TTC22: variants seen among roughly 807,000 people sequenced by gnomAD.
TTC22 encodes the protein tetratricopeptide repeat protein 22.
In TTC22, 42 loss-of-function variants were observed where a neutral mutation model predicts 48.2. The ratio of observed to expected loss-of-function variants is 0.87; its 90% confidence interval spans 0.68 to 1.13. The LOEUF is 1.13. Among genes scored for constraint, TTC22 ranks in the 50% most tolerant of loss-of-function variants. The pLI is 0.00. For missense variants in TTC22, 784 were observed against 807.0 expected (o/e 0.97, Z 0.34); for synonymous variants, 345 against 365.5 (o/e 0.94, Z 0.64).
chr1:54,779,760 G>A lies in TTC22; in HGVS notation c.*1483C>T, dbSNP rs1055077008. On this transcript the variant is annotated 3_prime_UTR_variant, in exon 7 of 7. Coordinates refer to ENST00000371276, the MANE Select transcript of TTC22 (RefSeq NM_001114108.2). ...TATTTTTCCAAACCTGAAGAATGGT[G>A]AAAGTTTGTGGTACAGTGTGGGGAA... The A allele has an allele frequency of 2.0e-5, 3 of 152,184 alleles. No homozygotes were observed. The highest frequency in any genetic ancestry group is 7.2e-5 in the African/African-American group (3 of 41,436). 9.4% of individuals were successfully genotyped at this position (152,184 alleles called of 1,614,324 possible).
rs1442325094 is a variant in TTC22 at position 54,782,345 on chromosome 1, C to T, written c.1153G>A (p.Ala385Thr). The change falls in exon 6 of 7, where the codon GCG becomes ACG. Residue 385 changes from alanine to threonine, a missense_variant. Coordinates refer to ENST00000371276, the MANE Select transcript of TTC22 (RefSeq NM_001114108.2). Reference protein sequence around the residue: ...EVVRVCPGFKAYLDIGQVYYY... With the variant: ...EVVRVCPGFKTYLDIGQVYYY... ...CTTACCTGGCCGATGTCCAGGTACGCCTTGAAGCCTGGGCACACCCTGACC... is the reference window on the plus strand; with the variant it reads ...CTTACCTGGCCGATGTCCAGGTACGTCTTGAAGCCTGGGCACACCCTGACC... 6.5e-7 allele frequency: 1 copy of T among 1,546,268 alleles called. No individual in the cohort carries two copies. The highest frequency in any genetic ancestry group is 2.0e-5 in the Admixed American group (1 of 50,002).
intron 1 of TTC22, among the ~76,000 whole-genome samples, chr1:54,795,953 A>C (rs12066278): frequency 0.017 from 2,630 of 152,340 alleles, 68 homozygotes; most frequent in African/African-American, 0.06. Flanking sequence ...CCTGTCAGCC[A>C]CACGTGCCCT....
chr1:54,798,038 T>C (rs755133803), intron 1 of TTC22, among the ~76,000 whole-genome samples: 10 of 152,198 alleles, frequency 6.6e-5, no homozygotes, highest in Non-Finnish European at 8.8e-5. Context: ...CATACTCCTC[T>C]GCCTTAGATT....
In TTC22 at chr1:54,780,964, T is replaced by G; in HGVS notation, c.*279A>C. 1 of 328,562 alleles carries G rather than the reference T, an allele frequency of 3.0e-6. No individual in the cohort carries two copies. The highest frequency in any genetic ancestry group is 5.5e-6 in the Non-Finnish European group (1 of 180,972). The allele number at this position is 328,562 out of a possible 1,614,324, so 20.4% of individuals were successfully genotyped here. On this transcript the variant is annotated 3_prime_UTR_variant, in exon 7 of 7. Coordinates refer to ENST00000371276, the MANE Select transcript of TTC22 (RefSeq NM_001114108.2). ...CCTCACAACCATCTTATTTTACCTG[T>G]ATGTCTAGAAAATTCTGTCCCTTAA... is the stretch of plus-strand genomic sequence containing the variant.
chr1:54,798,297 T>G (rs554745366), intron 1 of TTC22, among the ~76,000 whole-genome samples: 1 of 152,340 alleles, frequency 6.6e-6, no homozygotes, highest in South Asian at 2.1e-4. Flanking sequence ...ATGCTCCTGC[T>G]GGGTGTGTCC....
rs761933944 is a variant in TTC22 at position 54,787,052 on chromosome 1, TC to T, written c.762del (p.Met255CysfsTer27). 2.7e-5 allele frequency: 41 copies of T among 1,538,004 alleles called. No individual in the cohort carries two copies. The highest frequency in any genetic ancestry group is 3.4e-5 in the Non-Finnish European group (39 of 1,141,054). ...RHRALAWCYLGMLLERKDTFS... is the reference protein window; with the variant it reads ...RHRALAWCYLXMLLERKDTFS... ...AAGGTGTCCTTCCGCTCCAGCAGCA[TC>T]CCGAGGTAGCACCAGGCCAGGGCTG... is the stretch of plus-strand genomic sequence containing the variant. On this transcript the variant is annotated frameshift_variant, in exon 4 of 7. Coordinates refer to ENST00000371276, the MANE Select transcript of TTC22 (RefSeq NM_001114108.2). LOFTEE classifies it high-confidence loss of function.
In TTC22 at chr1:54,782,333, T is replaced by C; in HGVS notation, c.1165A>G (p.Ile389Val). Residue 389 changes from isoleucine to valine, a missense_variant, in exon 6 of 7, where the codon ATC (isoleucine) becomes GTC (valine). Coordinates refer to ENST00000371276, the MANE Select transcript of TTC22 (RefSeq NM_001114108.2). ...VCPGFKAYLD[I>V]GQVYYYMGVD... ...CCAAGAGACTGCCTTACCTGGCCGA[T>C]GTCCAGGTACGCCTTGAAGCCTGGG... 9 of 1,540,064 alleles carry C rather than the reference T, an allele frequency of 5.8e-6. No individual in the cohort carries two copies. Among genetic ancestry groups the C allele is most frequent in the Non-Finnish European group, 7.9e-6 (9 of 1,140,750 alleles).
At chr1:54,798,011 C>T (rs1646405760) in intron 1 of TTC22, among the ~76,000 whole-genome samples, 1 of 152,172 alleles carries the variant, frequency 6.6e-6, no homozygotes, top group Non-Finnish European at 1.5e-5. Flanking sequence ...TGGAAACCCA[C>T]CCACCTCCTC....
At chr1:54,788,003 C>T (rs1646319370) in intron 2 of TTC22, 39 bp downstream of exon 2, 2 of 1,602,114 alleles carry the variant, frequency 1.2e-6, no homozygotes, top group Admixed American at 3.3e-5. Context: ...CACACCTCTC[C>T]CTCTTCCATC....
intron 1 of TTC22, among the ~76,000 whole-genome samples, chr1:54,791,197 G>C (rs984661336): frequency 5.3e-5 from 8 of 152,162 alleles, no homozygotes; most frequent in Admixed American, 2.0e-4. Context: ...CATGACCTCT[G>C]GTCCCTCACC....
At chr1:54,790,912 G>A (rs926429409) in intron 1 of TTC22, among the ~76,000 whole-genome samples, 2 of 151,850 alleles carry the variant, frequency 1.3e-5, no homozygotes, top group Middle Eastern at 3.4e-3. Context: ...ACCTAGGCTG[G>A]AGTGCAGTGA....
At chr1:54,792,496 G>A (rs534244111) in intron 1 of TTC22, among the ~76,000 whole-genome samples, 2 of 151,838 alleles carry the variant, frequency 1.3e-5, no homozygotes, top group South Asian at 2.1e-4. Flanking sequence ...GTGCAATGGC[G>A]CGATCTTGGC....
chr1:54,797,877 C>T (rs2101473834), intron 1 of TTC22, among the ~76,000 whole-genome samples: 1 of 152,248 alleles, frequency 6.6e-6, no homozygotes, highest in East Asian at 1.9e-4. Flanking sequence ...TCTTCCCCAC[C>T]TGGGAGGGTC....
At chr1:54,800,483 A>C (rs569017487) in intron 1 of TTC22, 114 bp downstream of exon 1, 53 of 1,008,546 alleles carry the variant, frequency 5.3e-5, no homozygotes, top group Non-Finnish European at 6.8e-5. Context: ...TTGGGAGGCC[A>C]AAAGACCATG....
chr1:54,790,834 T>G (rs1245639904), intron 1 of TTC22, among the ~76,000 whole-genome samples: 1 of 151,794 alleles, frequency 6.6e-6, no homozygotes, highest in Non-Finnish European at 1.5e-5. Flanking sequence ...TTCTTCCTTC[T>G]TCTTCTCCGT....
chr1:54,781,738 C>G lies in TTC22; in HGVS notation c.1215G>C (p.Leu405=). 6.6e-7 allele frequency: 1 copy of G among 1,510,856 alleles called. No homozygotes were observed. Among genetic ancestry groups the G allele is most frequent in the Non-Finnish European group, 8.8e-7 (1 of 1,134,254 alleles). 93.6% of individuals were successfully genotyped at this position (1,510,856 alleles called of 1,614,324 possible). Residue 405 remains leucine (L), a synonymous_variant, in exon 7 of 7, where the codon CTG becomes CTC. Transcript: ENST00000371276. The part of the protein sequence containing the change: ...YMGVDAVQEL[L]AVDEAALNQA... The stretch of plus-strand genomic sequence containing the variant: ...GGTTCAGCGCCGCCTCGTCCACCGC[C>G]AGCAGCTCCTGCACCGCGTCCACGC...
Position 54,800,609 on chromosome 1 carries a change from G to A in TTC22, c.555C>T (p.Gly185=). The A allele has an allele frequency of 6.5e-7, 1 of 1,537,166 alleles. No homozygotes were observed. The highest frequency in any genetic ancestry group is 8.7e-7 in the Non-Finnish European group (1 of 1,154,926). ...AGIALYDKAL[G]YGQQIPMEEK... is the part of the protein sequence containing the mutation. The stretch of plus-strand genomic sequence containing the variant: ...AGGGGTCACCTACCTGCTGCCCGTA[G>A]CCTAGCGCCTTGTCGTAGAGCGCGA... Residue 185 remains glycine, a synonymous_variant, in exon 1 of 7, where the codon GGC becomes GGT. Coordinates refer to ENST00000371276, the MANE Select transcript of TTC22 (RefSeq NM_001114108.2).
intron 1 of TTC22, among the ~76,000 whole-genome samples, chr1:54,791,388 T>C (rs149495206): frequency 1.2e-3 from 178 of 152,286 alleles, no homozygotes; most frequent in African/African-American, 4.2e-3. Context: ...ATGGGTGACC[T>C]TGGGGGATGT....
chr1:54,790,722 G>C (rs944080200), intron 1 of TTC22, among the ~76,000 whole-genome samples: 1 of 152,248 alleles, frequency 6.6e-6, no homozygotes, highest in African/African-American at 2.4e-5. Context: ...GCCTGACCAT[G>C]TAAAGGATCA....
Sources: gnomAD v4.1 joint callset for allele counts (sites outside exome capture counted in the v4.1 genomes callset) on GRCh38, gnomAD v4.1.1 for gene constraint, MANE v1.5 for transcripts, NCBI Gene and HGNC (gene_info 2026-07-23, HGNC 2026-07-21) for gene names.